NLRP4: variants seen among roughly 807,000 people sequenced by gnomAD.
NLRP4 encodes the protein NLR family pyrin domain containing 4.
NLRP4 carries 44 observed loss-of-function variants against 84.7 expected under a neutral mutation model. The ratio of observed to expected loss-of-function variants is 0.52; its 90% CI spans 0.41 to 0.67. The LOEUF (loss-of-function observed/expected upper bound fraction) is 0.67, where lower values mean the gene tolerates loss of function less well. Among genes scored for constraint, NLRP4 ranks in the 30% least tolerant of loss-of-function variants. NLRP4 has a pLI of 0.00. For missense variants in NLRP4, 1,260 were observed against 1,219.4 expected, an observed-to-expected ratio of 1.03 and a Z score of -0.50; for synonymous variants, 544 against 476.4, an observed-to-expected ratio of 1.14 and a Z score of -1.85.
At chr19:55,840,397 T>A (rs1376391294) in intron 1 of NLRP4, among the ~76,000 whole-genome samples, 2 of 145,338 alleles carry the variant, frequency 1.4e-5, no homozygotes, top group Non-Finnish European at 3.0e-5. Context: ...TTCTTTTTTC[T>A]TTTTGAGACA....
intron 1 of NLRP4, among the ~76,000 whole-genome samples, chr19:55,850,367 T>TTCCGAGGCTGCGGTGTAATG (rs1274763983): frequency 0.045 from 697 of 15,426 alleles, 107 homozygotes; most frequent in Non-Finnish European, 0.049. Context: ...GCGGTGTAAT[T>TTCCGAGGCTGCGGTGTAATG]TCCGAGGCTG....
Position 55,878,738 on chromosome 19 carries a change from T to C in NLRP4, c.2697-56T>C. 5 of 1,506,400 alleles carry C rather than the reference T, an allele frequency of 3.3e-6. 1 individual carries two copies. The South Asian group carries it at 6.4e-5, about 19-fold the overall frequency. The allele number at this position is 1,506,400 out of a possible 1,614,324, so 93.3% of individuals were successfully genotyped here. On this transcript the variant is annotated intron_variant, in intron 8 of 9. Coordinates refer to ENST00000301295, the MANE Select transcript of NLRP4 (RefSeq NM_134444.5). ...AACTAGACGTCTAGCTCACATCCCA[T>C]CCTACCTCCACCCTGAGGCTGGGGC...
At chr19:55,837,269 A>G (rs302468) in intron 1 of NLRP4, among the ~76,000 whole-genome samples, 30,881 of 151,994 alleles carry the variant, frequency 0.2, 3,331 homozygotes, top group East Asian at 0.32. Context: ...CCTATTCTTA[A>G]TACCTGGGAG....
intron 5 of NLRP4, among the ~76,000 whole-genome samples, chr19:55,864,714 A>T (rs1440949475): frequency 1.3e-5 from 2 of 151,902 alleles, no homozygotes; most frequent in Non-Finnish European, 2.9e-5. Flanking sequence ...ATCTTTGCTT[A>T]TTTTTTACTT....
chr19:55,837,473 C>T (rs1255011136), intron 1 of NLRP4, among the ~76,000 whole-genome samples: 2 of 152,158 alleles, frequency 1.3e-5, no homozygotes, highest in Non-Finnish European at 2.9e-5. Context: ...CATTAGCCAA[C>T]CTCTTTTCAT....
At position 55,836,728 on chromosome 19, in the gene NLRP4, C is replaced by G. The variant is rs188869179; in HGVS notation, c.-272C>G. 3.3e-5 allele frequency: 5 copies of G among 151,748 alleles called. No homozygotes were observed. The highest frequency in any genetic ancestry group is 7.3e-5 in the Non-Finnish European group (5 of 68,086). 9.4% of individuals were successfully genotyped at this position (151,748 alleles called of 1,614,324 possible). On this transcript the variant is annotated 5_prime_UTR_variant, in exon 1 of 10. Coordinates refer to ENST00000301295, the MANE Select transcript of NLRP4 (RefSeq NM_134444.5). ...TATTTACCCAGCGTTTTCCTTCTCT[C>G]CAGTTAGTGGGGTAGATGAACGCCC... is the stretch of plus-strand genomic sequence containing the variant.
At position 55,861,548 on chromosome 19, in the gene NLRP4, G is replaced by A. The variant is rs547774796; in HGVS notation, c.2018+1G>A. The A allele has an allele frequency of 6.8e-6, 11 of 1,613,652 alleles. No individual in the cohort carries two copies. The East Asian group carries it at 1.3e-4, about 20-fold the overall frequency. On this transcript the variant is annotated splice_donor_variant, in intron 4 of 9. Transcript: ENST00000301295. LOFTEE classifies it high-confidence loss of function. ...CCAGCTGTCGCCTTCAGAAGCTTGG[G>A]TGAGTTGAGAATCGACTTCGACTCG...
At chr19:55,842,411 A>G (rs1983645717) in intron 1 of NLRP4, among the ~76,000 whole-genome samples, 1 of 152,120 alleles carries the variant, frequency 6.6e-6, no homozygotes, top group African/African-American at 2.4e-5. Flanking sequence ...ACTTTGGCAG[A>G]CAAACTTTTT....
At chr19:55,852,600 C>T (rs1449831086) in intron 2 of NLRP4, among the ~76,000 whole-genome samples, 1 of 151,752 alleles carries the variant, frequency 6.6e-6, no homozygotes, top group Non-Finnish European at 1.5e-5. Context: ...CCTCAGCCTC[C>T]TGAGTAGCTG....
intron 1 of NLRP4, among the ~76,000 whole-genome samples, chr19:55,837,624 A>T (rs532681285): frequency 6.6e-6 from 1 of 152,218 alleles, no homozygotes; most frequent in South Asian, 2.1e-4. Flanking sequence ...ACACACACAC[A>T]AAGTCCTAAC....
chr19:55,843,523 T>C (rs1983689697), intron 1 of NLRP4, among the ~76,000 whole-genome samples: 1 of 151,924 alleles, frequency 6.6e-6, no homozygotes, highest in Non-Finnish European at 1.5e-5. Flanking sequence ...AAACCCTGTC[T>C]CTACTAAAAA....
At position 55,858,509 on chromosome 19, in the gene NLRP4, C is replaced by T. The variant is rs1984560027; in HGVS notation, c.1116C>T (p.Tyr372=). ...ALTCQSTTSV[Y]SSFVFNLFTP... ...CCTGCCAGAGCACTACCTCTGTGTA[C>T]TCCTCTTTCGTCTTTAACCTGTTCA... The change falls in exon 3 of 10, where the codon TAC becomes TAT. Residue 372 remains tyrosine (Y), a synonymous_variant. Coordinates refer to ENST00000301295, the MANE Select transcript of NLRP4 (RefSeq NM_134444.5). This position sits in a 1 kb window ranked among gnomAD's most constrained non-coding sequence, Gnocchi z 4.2. 12 of 1,614,148 alleles carry T rather than the reference C, an allele frequency of 7.4e-6. No homozygotes were observed. The highest frequency in any genetic ancestry group is 5.1e-6 in the Non-Finnish European group (6 of 1,180,030).
At chr19:55,846,434 C>T (rs980690364) in intron 1 of NLRP4, among the ~76,000 whole-genome samples, 6 of 152,112 alleles carry the variant, frequency 3.9e-5, no homozygotes, top group African/African-American at 1.4e-4. Flanking sequence ...CAAGAAAAGT[C>T]CAACTCTAGT....
At chr19:55,875,348 T>C (rs1381991396) in intron 7 of NLRP4, among the ~76,000 whole-genome samples, 1 of 152,200 alleles carries the variant, frequency 6.6e-6, no homozygotes, top group African/African-American at 2.4e-5. Flanking sequence ...AGCTAAGTTA[T>C]CAGAATTAGT....
At chr19:55,871,297 G>A (rs1985171524) in intron 7 of NLRP4, among the ~76,000 whole-genome samples, 1 of 152,132 alleles carries the variant, frequency 6.6e-6, no homozygotes. Flanking sequence ...GATGATATTT[G>A]GTGTGTGTTC....
intron 1 of NLRP4, among the ~76,000 whole-genome samples, chr19:55,848,012 G>A (rs1983865890): frequency 6.6e-6 from 1 of 152,058 alleles, no homozygotes; most frequent in African/African-American, 2.4e-5. Context: ...ACTGCACCTG[G>A]CCCCTAATAT....
rs866893150 is a variant in NLRP4 at position 55,849,869 on chromosome 19, C to T, written c.-65-2147C>T. Among the ~76,000 whole-genome samples the T allele has an allele frequency of 2.9e-5, 4 of 137,742 alleles. 1 individual carries two copies. Among genetic ancestry groups the T allele is most frequent in the African/African-American group, 1.1e-4 (4 of 35,032 alleles). 90.4% of individuals were successfully genotyped at this position (137,742 alleles called of 152,430 possible). A position where few individuals can be genotyped will look rare whatever the true frequency, so the allele number is the denominator to read the frequency against. On this transcript the variant is annotated intron_variant, in intron 1 of 9. Transcript: ENST00000301295. ...ATTTCCGAGACTGCGGTGTAATTTCCGTGGCCGCGGTGTAATTTCCGTGGC... is the reference window on the plus strand; with the variant it reads ...ATTTCCGAGACTGCGGTGTAATTTCTGTGGCCGCGGTGTAATTTCCGTGGC...
At chr19:55,865,743 G>C (rs1984929229) in intron 5 of NLRP4, among the ~76,000 whole-genome samples, 1 of 152,010 alleles carries the variant, frequency 6.6e-6, no homozygotes, top group African/African-American at 2.4e-5. Flanking sequence ...ATGGTTGTTG[G>C]CAACACCTTT....
chr19:55,859,915 ACT>A (rs1984658056), intron 3 of NLRP4, among the ~76,000 whole-genome samples: 1 of 104,680 alleles, frequency 9.6e-6, no homozygotes, highest in South Asian at 3.7e-4. Flanking sequence ...TGACAGTGAG[ACT>A]CTCATCTCCA....
Sources: gnomAD v4.1 joint callset for allele counts (sites outside exome capture counted in the v4.1 genomes callset) on GRCh38, gnomAD v4.1.1 for gene constraint, Gnocchi (gnomAD v3.1) non-coding constraint, MANE v1.5 for transcripts, NCBI Gene and HGNC (gene_info 2026-07-23, HGNC 2026-07-21) for gene names.